TMEM185A: variants seen among roughly 807,000 people sequenced by gnomAD.
TMEM185A encodes transmembrane protein 185A.
TMEM185A carries 9 observed loss-of-function variants against 25.0 expected under a neutral mutation model. The observed-to-expected ratio is 0.36, with a 90% CI of 0.22 to 0.63. The LOEUF (loss-of-function observed/expected upper bound fraction) is 0.63, where lower values mean the gene tolerates loss of function less well. Ranked by LOEUF, TMEM185A falls within the 20% of genes least tolerant of loss-of-function variation. TMEM185A has a pLI of 0.68. For synonymous variants in TMEM185A, 45 were observed against 93.5 expected (o/e 0.48, Z 2.99); for missense variants, 103 against 237.4 (o/e 0.43, Z 3.72).
At chrX:149,627,773 G>A (rs1271125072) in intron 1 of TMEM185A, among the ~76,000 whole-genome samples, 1 of 112,183 alleles carries the variant, frequency 8.9e-6, no homozygotes, top group Non-Finnish European at 1.9e-5. Context: ...GCATTGAGAG[G>A]AGGACTATAT....
intron 1 of TMEM185A, among the ~76,000 whole-genome samples, chrX:149,629,365 C>T (rs1208336415): frequency 1.8e-5 from 2 of 111,246 alleles, no homozygotes; most frequent in African/African-American, 6.6e-5. Flanking sequence ...TGTGTACACC[C>T]CTCAGTTTTC....
chrX:149,618,002 C>T (rs941258686), intron 1 of TMEM185A, among the ~76,000 whole-genome samples: 8 of 111,514 alleles, frequency 7.2e-5, no homozygotes, highest in East Asian at 2.8e-4. Flanking sequence ...CAGATCAGTG[C>T]GGTTACAGAT....
Position 149,611,329 on chromosome X carries a change from G to T in TMEM185A, c.173C>A (p.Ala58Asp). The change falls in exon 2 of 7, where the codon GCC becomes GAC. Residue 58 changes from alanine (A) to aspartate (D), a missense_variant. By Grantham distance (126) the Ala-to-Asp change is moderately radical. Around this residue, in one of 2 missense-constraint regions of TMEM185A, gnomAD observed 102 missense variants for 125.7 expected, o/e 0.81. Coordinates refer to ENST00000600449, the MANE Select transcript of TMEM185A (RefSeq NM_032508.4). The stretch of plus-strand genomic sequence containing the variant: ...TGCCCAGACTCCAGTTCCAACTGAG[G>T]CTCCAACAATGACCATTAACTTCCA... The part of the protein sequence containing the change: ...WLWKLMVIVG[A>D]SVGTGVWARN... 1 of 1,210,836 alleles carries T rather than the reference G, an allele frequency of 8.3e-7. No homozygotes were observed. Among genetic ancestry groups the T allele is most frequent in the Non-Finnish European group, 1.1e-6 (1 of 895,178 alleles).
chrX:149,615,006 G>C (rs1557354893), intron 1 of TMEM185A, among the ~76,000 whole-genome samples: 1 of 112,083 alleles, frequency 8.9e-6, no homozygotes, highest in Non-Finnish European at 1.9e-5. Context: ...GCATTACCCT[G>C]ATAACAAAAC....
chrX:149,603,878 A>G (rs1164358878), intron 4 of TMEM185A, 109 bp downstream of exon 4: 21 of 602,800 alleles, frequency 3.5e-5, no homozygotes, highest in Non-Finnish European at 4.4e-5. Context: ...ATGGGTGACT[A>G]TTAGGCTATT....
chrX:149,627,529 T>C (rs977689600), intron 1 of TMEM185A, among the ~76,000 whole-genome samples: 4 of 112,300 alleles, frequency 3.6e-5, no homozygotes, highest in Non-Finnish European at 5.6e-5. Flanking sequence ...TCCTACTCTC[T>C]GGTCTGATGA....
intron 1 of TMEM185A, among the ~76,000 whole-genome samples, chrX:149,629,137 G>C (rs1557356337): frequency 9.0e-6 from 1 of 111,570 alleles, no homozygotes; most frequent in African/African-American, 3.3e-5. Context: ...ATCTGGTCAG[G>C]GAAGTCAGGA....
At chrX:149,611,545 T>G in intron 1 of TMEM185A, 82 bp from the exon 2 acceptor site, 1 of 922,806 alleles carries the variant, frequency 1.1e-6, no homozygotes, top group Non-Finnish European at 1.5e-6. Context: ...AGAGCCACAT[T>G]TGTCAGCATG....
intron 3 of TMEM185A, among the ~76,000 whole-genome samples, chrX:149,606,004 G>T (rs1428458584): frequency 1.8e-5 from 2 of 112,323 alleles, no homozygotes; most frequent in Non-Finnish European, 3.8e-5. Context: ...GCCAACAGTT[G>T]CACTGATTTA....
At chrX:149,617,496 T>G (rs1305940350) in intron 1 of TMEM185A, among the ~76,000 whole-genome samples, 1 of 111,724 alleles carries the variant, frequency 9.0e-6, no homozygotes, top group African/African-American at 3.3e-5. Context: ...TACTCAGTAT[T>G]TTCAGATGTT....
At chrX:149,627,280 C>A (rs1352254813) in intron 1 of TMEM185A, among the ~76,000 whole-genome samples, 1 of 112,639 alleles carries the variant, frequency 8.9e-6, no homozygotes, top group Non-Finnish European at 1.9e-5. Flanking sequence ...AAGCATACTG[C>A]CTGCAAACAT....
chrX:149,616,349 G>T (rs1324412541), intron 1 of TMEM185A, among the ~76,000 whole-genome samples: 1 of 111,868 alleles, frequency 8.9e-6, no homozygotes, highest in Non-Finnish European at 1.9e-5. Context: ...GAGGCCAGAG[G>T]TCCAAAAAGG....
chrX:149,611,342 C>T lies in TMEM185A; in HGVS notation c.160G>A (p.Val54Ile). The T allele has an allele frequency of 8.3e-7, 1 of 1,211,107 alleles. No individual in the cohort carries two copies. The highest frequency in any genetic ancestry group is 1.1e-6 in the Non-Finnish European group (1 of 895,264). The change falls in exon 2 of 7, where the codon GTC becomes ATC. Residue 54 changes from valine (V) to isoleucine (I), a missense_variant. Around this residue, in one of 2 missense-constraint regions of TMEM185A, gnomAD observed 102 missense variants for 125.7 expected, o/e 0.81. Coordinates refer to ENST00000600449, the MANE Select transcript of TMEM185A (RefSeq NM_032508.4). ...GTTCCAACTGAGGCTCCAACAATGA[C>T]CATTAACTTCCACAGCCATATTGGA... is the stretch of plus-strand genomic sequence containing the variant. The part of the protein sequence containing the change: ...FAPIWLWKLM[V>I]IVGASVGTGV...
chrX:149,602,766 T>A (rs1267736347), intron 4 of TMEM185A, among the ~76,000 whole-genome samples: 1 of 112,388 alleles, frequency 8.9e-6, no homozygotes. Flanking sequence ...ACAGAAACAG[T>A]TTTGAACCCA....
At chrX:149,627,047 G>C (rs1479456009) in intron 1 of TMEM185A, among the ~76,000 whole-genome samples, 2 of 111,594 alleles carry the variant, frequency 1.8e-5, no homozygotes, top group Middle Eastern at 4.2e-3. Flanking sequence ...ACTGCAAAGA[G>C]GCCCCGCTCT....
chrX:149,608,057 G>C (rs2090061583), intron 3 of TMEM185A, among the ~76,000 whole-genome samples: 1 of 111,947 alleles, frequency 8.9e-6, no homozygotes, highest in African/African-American at 3.3e-5. Flanking sequence ...ACAGTAATGT[G>C]AGCCAGTTCC....
intron 1 of TMEM185A, among the ~76,000 whole-genome samples, 189 bp downstream of exon 1, chrX:149,631,354 G>A (rs1179548866): frequency 9.0e-6 from 1 of 111,364 alleles, no homozygotes; most frequent in East Asian, 2.9e-4. Flanking sequence ...GGCACGGGAG[G>A]AGGAAGCGGG....
At chrX:149,631,135 G>T (rs2090189267) in intron 1 of TMEM185A, among the ~76,000 whole-genome samples, 1 of 110,694 alleles carries the variant, frequency 9.0e-6, no homozygotes, top group Non-Finnish European at 1.9e-5. Context: ...AAACAGCTGG[G>T]GTGGGGGTAG....
intron 1 of TMEM185A, among the ~76,000 whole-genome samples, chrX:149,627,587 A>G (rs2090170157): frequency 8.9e-6 from 1 of 112,186 alleles, no homozygotes; most frequent in Admixed American, 9.4e-5. Flanking sequence ...GACTAGCTCA[A>G]TTCAAAATCT....
Sources: gnomAD v4.1 joint callset for allele counts (sites outside exome capture counted in the v4.1 genomes callset) on GRCh38, gnomAD v4.1.1 for gene constraint, gnomAD v4.1.1 regional missense constraint, MANE v1.5 for transcripts, NCBI Gene and HGNC (gene_info 2026-07-23, HGNC 2026-07-21) for gene names.